The following FGF12 variants were observed in gnomAD, a reference collection of about 807,000 sequenced individuals.
FGF12 encodes the protein fibroblast growth factor 12.
In FGF12, 14 loss-of-function variants were observed where a neutral mutation model predicts 23.6. That is an observed-to-expected ratio of 0.59 (90% confidence interval 0.39 to 0.93). FGF12 has a LOEUF of 0.93. FGF12 is among the 40% of genes least tolerant of loss of function. The pLI is 0.00. For synonymous variants in FGF12, 62 were observed against 77.3 expected (o/e 0.80, Z 1.04); for missense variants, 175 against 217.8 (o/e 0.80, Z 1.24).
In FGF12 at chr3:192,336,970, T is replaced by G. The variant is rs1717448550; in HGVS notation, c.125-1506A>C. On this transcript the variant is annotated intron_variant, in intron 3 of 5. Coordinates refer to ENST00000445105, the MANE Select transcript of FGF12 (RefSeq NM_004113.6). This position sits in a 1 kb window ranked among gnomAD's most constrained non-coding sequence, Gnocchi z 4.3. ...CCATTTCCACATTTTTTACGAAAACTGAGACTAGATAAGAAACTGTAAGTA... is the reference window on the plus strand; with the variant it reads ...CCATTTCCACATTTTTTACGAAAACGGAGACTAGATAAGAAACTGTAAGTA... Among the ~76,000 whole-genome samples, 1 of 152,156 alleles carries G rather than the reference T, an allele frequency of 6.6e-6. No individual in the cohort carries two copies. Among genetic ancestry groups the G allele is most frequent in the African/African-American group, 2.4e-5 (1 of 41,442 alleles).
At chr3:192,363,250 AAAG>A (rs1211510490) in intron 2 of FGF12, among the ~76,000 whole-genome samples, 2 of 151,780 alleles carry the variant, frequency 1.3e-5, no homozygotes, top group Non-Finnish European at 2.9e-5. Flanking sequence ...AAAAAAAAAA[AAAG>A]AAGTCATGTT....
intron 4 of FGF12, among the ~76,000 whole-genome samples, chr3:192,285,018 C>T (rs1714367632): frequency 6.6e-6 from 1 of 152,010 alleles, no homozygotes; most frequent in Admixed American, 6.6e-5. Context: ...CAGACATAGC[C>T]TTTATTCGGA....
chr3:192,154,856 C>A (rs1469749841), intron 5 of FGF12, among the ~76,000 whole-genome samples: 1 of 143,686 alleles, frequency 7.0e-6, no homozygotes, highest in East Asian at 2.0e-4. Flanking sequence ...TTCGAGCTTC[C>A]CGGCTGCTTT....
chr3:192,226,877 A>G (rs1718764081), intron 4 of FGF12, among the ~76,000 whole-genome samples: 1 of 152,128 alleles, frequency 6.6e-6, no homozygotes, highest in African/African-American at 2.4e-5. Flanking sequence ...ATATACTTCA[A>G]AACATCATGT....
At chr3:192,280,825 T>C (rs777691459) in intron 4 of FGF12, among the ~76,000 whole-genome samples, 10 of 152,218 alleles carry the variant, frequency 6.6e-5, no homozygotes, top group Non-Finnish European at 1.2e-4. Flanking sequence ...TTGTAATTTT[T>C]AGTTCAAATG....
At chr3:192,320,260 G>T (rs1716465071) in intron 4 of FGF12, among the ~76,000 whole-genome samples, 1 of 152,186 alleles carries the variant, frequency 6.6e-6, no homozygotes, top group Admixed American at 6.5e-5. Context: ...ATCATATAAT[G>T]ATAAAGGAGT....
chr3:192,160,968 A>C (rs1714835917), intron 5 of FGF12, among the ~76,000 whole-genome samples: 1 of 152,168 alleles, frequency 6.6e-6, no homozygotes, highest in South Asian at 2.1e-4. Context: ...AAGCTCCTTT[A>C]GTTAAGTGAT....
chr3:192,206,722 A>G (rs945708142), intron 4 of FGF12, among the ~76,000 whole-genome samples: 2 of 152,200 alleles, frequency 1.3e-5, no homozygotes, highest in African/African-American at 4.8e-5. Flanking sequence ...GACCCTACCT[A>G]TAAGTTTTAT....
At chr3:192,653,720 C>CTT (rs34906808) in intron 2 of FGF12, among the ~76,000 whole-genome samples, 7 of 140,852 alleles carry the variant, frequency 5.0e-5, no homozygotes, top group Admixed American at 2.1e-4. Flanking sequence ...TCATTTGAGG[C>CTT]TTTTTTTTTT....
chr3:192,374,810 A>T (rs536162671), intron 2 of FGF12, among the ~76,000 whole-genome samples: 23 of 152,338 alleles, frequency 1.5e-4, no homozygotes, highest in Admixed American at 1.5e-3. Context: ...CTGGCTCCAG[A>T]ACCCATAGAA....
At chr3:192,237,045 T>C (rs566680371) in intron 4 of FGF12, among the ~76,000 whole-genome samples, 1 of 152,266 alleles carries the variant, frequency 6.6e-6, no homozygotes, top group East Asian at 1.9e-4. Context: ...CAAATTCCCT[T>C]AGTGTTTGCT....
chr3:192,537,227 A>G (rs1725246020), intron 2 of FGF12, among the ~76,000 whole-genome samples: 2 of 152,170 alleles, frequency 1.3e-5, no homozygotes, highest in African/African-American at 4.8e-5. Flanking sequence ...AGTTGCCTCA[A>G]AATCTTGGCT....
chr3:192,177,574 G>T (rs1305674454), intron 4 of FGF12, among the ~76,000 whole-genome samples: 3 of 152,148 alleles, frequency 2.0e-5, no homozygotes, highest in African/African-American at 7.2e-5. Context: ...TCTTCACTCT[G>T]CTCTTTGCAG....
intron 4 of FGF12, among the ~76,000 whole-genome samples, chr3:192,209,352 TAGAA>T (rs1472170628): frequency 3.3e-5 from 5 of 152,062 alleles, no homozygotes. Context: ...AACAGAAAAA[TAGAA>T]AGCTGGGTTC....
intron 2 of FGF12, among the ~76,000 whole-genome samples, chr3:192,704,192 T>C (rs1718393047): frequency 6.6e-6 from 1 of 152,214 alleles, no homozygotes; most frequent in South Asian, 2.1e-4. Context: ...CAAGTAAGCC[T>C]TATGAAATAT....
intron 2 of FGF12, among the ~76,000 whole-genome samples, chr3:192,626,529 T>C (rs1715174544): frequency 6.6e-6 from 1 of 152,180 alleles, no homozygotes; most frequent in Non-Finnish European, 1.5e-5. Context: ...ATTTTGGATA[T>C]AAATTAAATA....
chr3:192,689,804 A>T (rs1223963202), intron 2 of FGF12, among the ~76,000 whole-genome samples: 1 of 152,064 alleles, frequency 6.6e-6, no homozygotes, highest in Non-Finnish European at 1.5e-5. Flanking sequence ...ATGCAGGTAC[A>T]TGAAGCTCAA....
At chr3:192,239,579 T>G (rs1245667305) in intron 4 of FGF12, among the ~76,000 whole-genome samples, 1 of 152,034 alleles carries the variant, frequency 6.6e-6, no homozygotes, top group Non-Finnish European at 1.5e-5. Context: ...AGCGGGTGAG[T>G]GAGCACTACT....
intron 2 of FGF12, among the ~76,000 whole-genome samples, chr3:192,726,658 A>G (rs1480807379): frequency 6.6e-6 from 1 of 152,144 alleles, no homozygotes; most frequent in Middle Eastern, 3.2e-3. Context: ...GCTGTTCCAA[A>G]TAGACCCAAT....
Sources: allele counts gnomAD v4.1 joint callset (sites outside exome capture counted in the v4.1 genomes callset), GRCh38; gene constraint gnomAD v4.1.1; non-coding constraint Gnocchi (gnomAD v3.1); transcripts MANE v1.5; gene names NCBI Gene and HGNC (gene_info 2026-07-23, HGNC 2026-07-21).